Variants in GSTCD observed in about 807,000 individuals in gnomAD.
The protein encoded by GSTCD is glutathione S-transferase C-terminal domain-containing protein.
A neutral mutation model predicts 68.3 loss-of-function variants in GSTCD; 44 were observed. That is an observed-to-expected ratio of 0.64 (90% CI 0.51 to 0.83). GSTCD has a LOEUF of 0.83. Among genes scored for constraint, GSTCD ranks in the 40% least tolerant of loss-of-function variants. The pLI is 0.00. For missense variants in GSTCD, 739 were observed against 735.9 expected (o/e 1.00, Z -0.05); for synonymous variants, 273 against 255.2 (o/e 1.07, Z -0.67).
At position 105,719,430 on chromosome 4, in the gene GSTCD, A is replaced by C. The variant is rs1329116901; in HGVS notation, c.797A>C (p.Lys266Thr). The C allele has an allele frequency of 6.2e-7, 1 of 1,614,060 alleles. No homozygotes were observed. Reference protein sequence around the residue: ...NREPSHIRKAKASDLPPLEHV... With the variant: ...NREPSHIRKATASDLPPLEHV... ...GAGCCTTCTCACATCAGAAAAGCAA[A>C]AGCCTCCGACCTTCCACCTCTGGAG... is the stretch of plus-strand genomic sequence containing the variant. The change falls in exon 3 of 12, where the codon AAA becomes ACA. Residue 266 changes from lysine (K) to threonine (T), a missense_variant. By Grantham distance (78) the Lys-to-Thr change is moderately conservative (BLOSUM62 -1). Coordinates refer to ENST00000515279, the MANE Select transcript of GSTCD (RefSeq NM_001370181.1).
intron 7 of GSTCD, among the ~76,000 whole-genome samples, chr4:105,825,260 A>G (rs184611742): frequency 6.6e-6 from 1 of 151,964 alleles, no homozygotes; most frequent in Admixed American, 6.6e-5. Context: ...CTCCCGAATA[A>G]CTGGGACTAC....
chr4:105,710,544 A>T (rs1340114049), intron 1 of GSTCD, among the ~76,000 whole-genome samples: 2 of 151,708 alleles, frequency 1.3e-5, no homozygotes, highest in African/African-American at 4.8e-5. Flanking sequence ...TTGTTTTTTT[A>T]AACTTGTTTT....
intron 8 of GSTCD, among the ~76,000 whole-genome samples, chr4:105,830,229 A>G (rs1466717653): frequency 6.6e-6 from 1 of 152,206 alleles, no homozygotes; most frequent in African/African-American, 2.4e-5. Context: ...GATTTTCCCA[A>G]CTGTTTCCAC....
In GSTCD at chr4:105,823,126, A is replaced by G. The variant is rs776478455; in HGVS notation, c.1356+57A>G. 7 of 1,568,486 alleles carry G rather than the reference A, an allele frequency of 4.5e-6. No individual in the cohort carries two copies. The East Asian group carries it at 6.7e-5, about 15-fold the overall frequency. The stretch of plus-strand genomic sequence containing the variant: ...CTTTCTAAGATTATGAGACTTTTCT[A>G]TATTACATTCAAGGTCATGTTTTTA... On this transcript the variant is annotated intron_variant, in intron 6 of 11. Coordinates refer to ENST00000515279, the MANE Select transcript of GSTCD (RefSeq NM_001370181.1).
chr4:105,835,742 G>T (rs1232967738), intron 9 of GSTCD, among the ~76,000 whole-genome samples: 1 of 152,148 alleles, frequency 6.6e-6, no homozygotes, highest in Non-Finnish European at 1.5e-5. Context: ...CTGCCATTTG[G>T]CAGGTCCTGA....
Position 105,717,853 on chromosome 4 carries a change from G to A in GSTCD, c.240G>A (p.Glu80=), listed in dbSNP as rs777619504. Reference sequence around the variant, plus strand: ...AAATACAGATTATTTCAAGGCAGGAGCTCCCACCAATAGTCCAAAATTGCT... The same window carrying A: ...AAATACAGATTATTTCAAGGCAGGAACTCCCACCAATAGTCCAAAATTGCT... ...DVEIQIISRQ[E]LPPIVQNCCL... Residue 80 remains glutamate (E), a synonymous_variant, in exon 2 of 12, where the codon GAG becomes GAA. Transcript: ENST00000515279. The A allele has an allele frequency of 1.9e-6, 3 of 1,614,108 alleles. No homozygotes were observed. The South Asian group carries it at 3.3e-5, about 18-fold the overall frequency.
intron 9 of GSTCD, among the ~76,000 whole-genome samples, chr4:105,835,020 T>G (rs1724055867): frequency 6.6e-6 from 1 of 152,238 alleles, no homozygotes; most frequent in African/African-American, 2.4e-5. Context: ...TCTTTTTGCC[T>G]TAGTTTTCTT....
At chr4:105,752,383 C>G (rs893385132) in intron 5 of GSTCD, among the ~76,000 whole-genome samples, 1 of 151,800 alleles carries the variant, frequency 6.6e-6, no homozygotes, top group African/African-American at 2.4e-5. Flanking sequence ...AAGTACTTTA[C>G]AAACAGAGAC....
intron 5 of GSTCD, among the ~76,000 whole-genome samples, chr4:105,765,477 C>A (rs975330638): frequency 6.6e-6 from 1 of 152,172 alleles, no homozygotes; most frequent in Non-Finnish European, 1.5e-5. Flanking sequence ...TCTTTCAAAT[C>A]TTGAAACAGC....
chr4:105,709,138 T>C (rs1457341839), intron 1 of GSTCD, 122 bp downstream of exon 1: 1 of 152,416 alleles, frequency 6.6e-6, no homozygotes, highest in Non-Finnish European at 1.5e-5. Context: ...AAGGGCGTGG[T>C]ATCATCGTCC....
chr4:105,843,591 A>C (rs1263614844), intron 11 of GSTCD: 2 of 152,208 alleles, frequency 1.3e-5, no homozygotes, highest in African/African-American at 4.8e-5. Context: ...GGCAAGAGAG[A>C]GAGCAAGAGA....
chr4:105,758,097 A>G (rs1734259682), intron 5 of GSTCD, among the ~76,000 whole-genome samples: 1 of 152,210 alleles, frequency 6.6e-6, no homozygotes, highest in South Asian at 2.1e-4. Context: ...AACATAATAC[A>G]AGTACCCCTA....
chr4:105,828,534 CA>C (rs1384456307), intron 8 of GSTCD, among the ~76,000 whole-genome samples: 2 of 152,048 alleles, frequency 1.3e-5, no homozygotes, highest in Non-Finnish European at 2.9e-5. Context: ...TTCAGATCCC[CA>C]AATAACAAGA....
chr4:105,750,422 T>G (rs1733969962), intron 5 of GSTCD, among the ~76,000 whole-genome samples: 1 of 143,464 alleles, frequency 7.0e-6, no homozygotes, highest in Non-Finnish European at 1.5e-5. Flanking sequence ...ATTGCGCCAT[T>G]GCACTCCAGT....
intron 11 of GSTCD, among the ~76,000 whole-genome samples, chr4:105,842,777 T>C (rs1724408422): frequency 1.3e-5 from 2 of 152,124 alleles, no homozygotes; most frequent in Non-Finnish European, 2.9e-5. Flanking sequence ...ACATATGGGG[T>C]AGGTACTATT....
chr4:105,803,058 T>C (rs531815809), intron 5 of GSTCD, among the ~76,000 whole-genome samples: 3 of 152,254 alleles, frequency 2.0e-5, no homozygotes, highest in Admixed American at 1.3e-4. Context: ...ACTATTGTTA[T>C]TTACATTTTA....
At chr4:105,818,601 G>C (rs544191039) in intron 5 of GSTCD, among the ~76,000 whole-genome samples, 1 of 151,820 alleles carries the variant, frequency 6.6e-6, no homozygotes, top group East Asian at 1.9e-4. Context: ...AGCCTATAAA[G>C]GTATTTGAGC....
intron 5 of GSTCD, among the ~76,000 whole-genome samples, chr4:105,743,152 A>C (rs369280035): frequency 2.0e-5 from 3 of 151,692 alleles, no homozygotes; most frequent in Non-Finnish European, 4.4e-5. Context: ...GGGTTTCACC[A>C]TGTTAGCCAG....
At chr4:105,740,175 G>A (rs927238397) in intron 5 of GSTCD, among the ~76,000 whole-genome samples, 3 of 152,056 alleles carry the variant, frequency 2.0e-5, no homozygotes, top group Admixed American at 2.0e-4. Flanking sequence ...GCAAGACATA[G>A]TGTCAGCTCC....
Sources: allele counts gnomAD v4.1 joint callset (sites outside exome capture counted in the v4.1 genomes callset), GRCh38; gene constraint gnomAD v4.1.1; transcripts MANE v1.5; gene names NCBI Gene and HGNC (gene_info 2026-07-23, HGNC 2026-07-21).